Variants in USP6NL observed in about 807,000 individuals in gnomAD.
The protein encoded by USP6NL is USP6 N-terminal like, also known as USP6 N-terminal-like protein.
In USP6NL, 26 loss-of-function variants were observed where a neutral mutation model predicts 61.9. That is an observed-to-expected ratio of 0.42 (90% confidence interval 0.31 to 0.58). The LOEUF (loss-of-function observed/expected upper bound fraction) is 0.58, where lower values mean the gene tolerates loss of function less well. Ranked by LOEUF, USP6NL falls within the 20% of genes least tolerant of loss-of-function variation. USP6NL has a pLI of 0.16. For synonymous variants in USP6NL, 432 were observed against 390.1 expected (o/e 1.11, Z -1.27); for missense variants, 1,114 against 1,034.3 (o/e 1.08, Z -1.06).
intron 1 of USP6NL, among the ~76,000 whole-genome samples, chr10:11,608,881 C>T (rs944033587): frequency 1.3e-5 from 2 of 152,162 alleles, no homozygotes; most frequent in Non-Finnish European, 2.9e-5. Context: ...GTCTCTGTCG[C>T]TCCAATTCCC....
rs963305162 is a variant in USP6NL, at chr10:11,532,619, A to G, written c.5-5052T>C. 1.3e-5 allele frequency among the ~76,000 whole-genome samples: 2 copies of G among 152,176 alleles called. No homozygotes were observed. Among genetic ancestry groups the G allele is most frequent in the African/African-American group, 4.8e-5 (2 of 41,428 alleles). ...TAATGTGCCTTCATCTTGTGTCTCG[A>G]TATTAGCCACTTTCTTATTTCTTAT... On this transcript the variant is annotated intron_variant, in intron 2 of 14. Transcript: ENST00000609104. This position sits in a 1 kb window ranked among gnomAD's most constrained non-coding sequence, Gnocchi z 4.1.
At chr10:11,586,366 C>CA (rs199913084) in intron 2 of USP6NL, among the ~76,000 whole-genome samples, 855 of 72,606 alleles carry the variant, frequency 0.012, 3 homozygotes, top group East Asian at 0.029. Flanking sequence ...CTTAAATGAC[C>CA]AAAAAAAAAC....
At chr10:11,494,546 G>A (rs1054520037) in intron 7 of USP6NL, among the ~76,000 whole-genome samples, 6 of 152,272 alleles carry the variant, frequency 3.9e-5, no homozygotes, top group Middle Eastern at 3.4e-3. Flanking sequence ...GGGCCCAGGG[G>A]ACCACTACTA....
chr10:11,563,948 C>T (rs535281757), intron 2 of USP6NL: 1 of 152,300 alleles, frequency 6.6e-6, no homozygotes. Flanking sequence ...AAGATAAGGG[C>T]TTTCTCACAA....
chr10:11,561,007 A>T lies in USP6NL; in HGVS notation c.5-33440T>A. Among the ~76,000 whole-genome samples the T allele has an allele frequency of 6.6e-6, 1 of 152,206 alleles. No homozygotes were observed. Among genetic ancestry groups the T allele is most frequent in the Admixed American group, 6.5e-5 (1 of 15,284 alleles). ...AGCTTAAAAAAATGTATATGGGAAGAATTAAAAAGCAGTTAATCTACATCT... is the reference window on the plus strand; with the variant it reads ...AGCTTAAAAAAATGTATATGGGAAGTATTAAAAAGCAGTTAATCTACATCT... On this transcript the variant is annotated intron_variant, in intron 2 of 14. Transcript: ENST00000609104. This position sits in a 1 kb window ranked among gnomAD's most constrained non-coding sequence, Gnocchi z 4.1.
At chr10:11,483,044 A>G (rs189055137) in intron 13 of USP6NL, among the ~76,000 whole-genome samples, 1 of 152,314 alleles carries the variant, frequency 6.6e-6, no homozygotes, top group Admixed American at 6.5e-5. Context: ...CATTATTATA[A>G]ATTATAGTCA....
Position 11,555,453 on chromosome 10 carries a change from GAGAGAGAGAGAGAGAGAA to G in USP6NL, c.5-27904_5-27887del, listed in dbSNP as rs1335744465. On this transcript the variant is annotated intron_variant, in intron 2 of 14. Coordinates refer to ENST00000609104, the MANE Select transcript of USP6NL (RefSeq NM_014688.5). ...AAAAAAATATATATATATATATATA[GAGAGAGAGAGAGAGAGAA>G]AGAGAGAGAGAGAGAGAGAGAGAAG... Among the ~76,000 whole-genome samples the G allele has an allele frequency of 3.3e-3, 254 of 77,826 alleles. 3 individuals are homozygous for G. The highest frequency in any genetic ancestry group is 0.018 in the Middle Eastern group (3 of 170). 51.1% of individuals were successfully genotyped at this position (77,826 alleles called of 152,430 possible).
At position 11,487,403 on chromosome 10, in the gene USP6NL, GTAGAATTAATATTGTTTTA is replaced by G. The variant is rs1430250455; in HGVS notation, c.665-1511_665-1493del. Among the ~76,000 whole-genome samples, 5 of 152,200 alleles carry G rather than the reference GTAGAATTAATATTGTTTTA, an allele frequency of 3.3e-5. No individual in the cohort carries two copies. The highest frequency in any genetic ancestry group is 7.4e-5 in the Non-Finnish European group (5 of 68,026). The stretch of plus-strand genomic sequence containing the variant: ...AACTACATTCTAAGTAGTTAGGATA[GTAGAATTAATATTGTTTTA>G]TAGATTAGTCTAGTGACAATAATTG... On this transcript the variant is annotated intron_variant, in intron 10 of 14. Coordinates refer to ENST00000609104, the MANE Select transcript of USP6NL (RefSeq NM_014688.5). The surrounding 1 kb of genome is among the most constrained non-coding windows in gnomAD (Gnocchi z 4.2).
intron 10 of USP6NL, 104 bp downstream of exon 10, chr10:11,488,998 A>T (rs1358040004): frequency 6.8e-7 from 1 of 1,466,932 alleles, no homozygotes; most frequent in Non-Finnish European, 9.2e-7. Context: ...GAGCCCTGAG[A>T]CATTAAATTT....
chr10:11,596,344 G>A lies in USP6NL; in HGVS notation c.4+1287C>T, dbSNP rs1412068079. 1.3e-5 allele frequency among the ~76,000 whole-genome samples: 2 copies of A among 152,092 alleles called. No individual in the cohort carries two copies. The highest frequency in any genetic ancestry group is 1.5e-5 in the Non-Finnish European group (1 of 68,020). Reference sequence around the variant, plus strand: ...AAATAACAAAAGCTCTTTCTTGGCCGGGCGCGGTGGCTCACGCCTGTAATC... The same window carrying A: ...AAATAACAAAAGCTCTTTCTTGGCCAGGCGCGGTGGCTCACGCCTGTAATC... On this transcript the variant is annotated intron_variant, in intron 2 of 14. Transcript: ENST00000609104. The surrounding 1 kb of genome is among the most constrained non-coding windows in gnomAD (Gnocchi z 4.1).
At chr10:11,542,043 C>A (rs186031112) in intron 2 of USP6NL, among the ~76,000 whole-genome samples, 113 of 152,304 alleles carry the variant, frequency 7.4e-4, no homozygotes, top group African/African-American at 2.7e-3. Context: ...TCTGCCCTAT[C>A]TCTATGGATA....
Position 11,487,849 on chromosome 10 carries a change from T to G in USP6NL, c.664+1253A>C, listed in dbSNP as rs1223406384. On this transcript the variant is annotated intron_variant, in intron 10 of 14. Transcript: ENST00000609104. This position sits in a 1 kb window ranked among gnomAD's most constrained non-coding sequence, Gnocchi z 4.2. ...ACACAATATCCTCACATGGTCAGAGTGTGAGACTTCACAAACAATGGGCTA... is the reference window on the plus strand; with the variant it reads ...ACACAATATCCTCACATGGTCAGAGGGTGAGACTTCACAAACAATGGGCTA... Among the ~76,000 whole-genome samples the G allele has an allele frequency of 1.3e-5, 2 of 152,124 alleles. No individual in the cohort carries two copies. Among genetic ancestry groups the G allele is most frequent in the South Asian group, 4.1e-4 (2 of 4,828 alleles).
rs1403839584 is a variant in USP6NL, at chr10:11,485,798, C to CAGTG, written c.759+15_759+18dup. On this transcript the variant is annotated intron_variant, in intron 11 of 14. Transcript: ENST00000609104. This position sits in a 1 kb window ranked among gnomAD's most constrained non-coding sequence, Gnocchi z 4.8. ...GGGGGGTGGGTAGGTGGGTGTAAGT[C>CAGTG]AGTGGCACATCTACCTACCAAGTGT... 2.0e-6 allele frequency: 3 copies of CAGTG among 1,522,170 alleles called. No homozygotes were observed. In the African/African-American group the frequency reaches 4.2e-5, roughly 21 times the overall value. 94.3% of individuals were successfully genotyped at this position (1,522,170 alleles called of 1,614,324 possible). A position where few individuals can be genotyped will look rare whatever the true frequency, so the allele number is the denominator to read the frequency against.
chr10:11,581,473 T>C (rs1837771882), intron 2 of USP6NL, among the ~76,000 whole-genome samples: 1 of 152,266 alleles, frequency 6.6e-6, no homozygotes, highest in Non-Finnish European at 1.5e-5. Context: ...TCAGACTTTT[T>C]TTAACCCACT....
intron 13 of USP6NL, among the ~76,000 whole-genome samples, chr10:11,484,312 A>C (rs966614927): frequency 8.5e-5 from 13 of 152,112 alleles, no homozygotes; most frequent in African/African-American, 3.1e-4. Context: ...AAAAAATCTC[A>C]TTTCTTTATT....
At chr10:11,565,186 T>C (rs1362006200) in intron 2 of USP6NL, 1 of 152,254 alleles carries the variant, frequency 6.6e-6, no homozygotes, top group Admixed American at 6.5e-5. Flanking sequence ...TATTAAGTGA[T>C]ACTTTTTCTT....
At chr10:11,503,024 G>A (rs982418631) in intron 6 of USP6NL, among the ~76,000 whole-genome samples, 1 of 152,118 alleles carries the variant, frequency 6.6e-6, no homozygotes, top group African/African-American at 2.4e-5. Flanking sequence ...TTTTCCCAAA[G>A]GAAGTTATGA....
chr10:11,589,156 T>C lies in USP6NL; in HGVS notation c.4+8475A>G, dbSNP rs899521449. ...AAGGCAACCTGCTTTATATAGCTTCTAGGTCACATCTGTCAGCAGAAACGT... is the reference window on the plus strand; with the variant it reads ...AAGGCAACCTGCTTTATATAGCTTCCAGGTCACATCTGTCAGCAGAAACGT... On this transcript the variant is annotated intron_variant, in intron 2 of 14. Coordinates refer to ENST00000609104, the MANE Select transcript of USP6NL (RefSeq NM_014688.5). The surrounding 1 kb of genome is among the most constrained non-coding windows in gnomAD (Gnocchi z 4.7). Among the ~76,000 whole-genome samples the C allele has an allele frequency of 2.0e-5, 3 of 152,226 alleles. No homozygotes were observed. Among genetic ancestry groups the C allele is most frequent in the Non-Finnish European group, 4.4e-5 (3 of 68,032 alleles).
Position 11,562,467 on chromosome 10 carries a change from G to A in USP6NL, c.5-34900C>T. ...CGCAGCAGTCATCACGTATCTCTGA[G>A]GACAAGGATTAAGTGTGGCTGAGGA... On this transcript the variant is annotated intron_variant, in intron 2 of 14. Coordinates refer to ENST00000609104, the MANE Select transcript of USP6NL (RefSeq NM_014688.5). This position sits in a 1 kb window ranked among gnomAD's most constrained non-coding sequence, Gnocchi z 4.8. 4.1e-6 allele frequency: 4 copies of A among 985,368 alleles called. No homozygotes were observed. The highest frequency in any genetic ancestry group is 4.8e-6 in the Non-Finnish European group (4 of 829,930). The allele number at this position is 985,368 out of a possible 1,614,324, so 61.0% of individuals were successfully genotyped here.
Sources: gnomAD v4.1 joint callset for allele counts (sites outside exome capture counted in the v4.1 genomes callset) on GRCh38, gnomAD v4.1.1 for gene constraint, Gnocchi (gnomAD v3.1) non-coding constraint, MANE v1.5 for transcripts, NCBI Gene and HGNC (gene_info 2026-07-23, HGNC 2026-07-21) for gene names.